The following C2CD3 variants were observed in gnomAD, a reference collection of about 807,000 sequenced individuals.
C2CD3 encodes C2 domain containing 3 centriole elongation regulator.
C2CD3 carries 148 observed loss-of-function variants against 234.0 expected under a neutral mutation model. The ratio of observed to expected loss-of-function variants is 0.63; its 90% CI spans 0.55 to 0.72. C2CD3 has a LOEUF of 0.72. C2CD3 is among the 30% of genes least tolerant of loss of function. The probability of loss-of-function intolerance (pLI) is 0.00; values close to 1 mark genes in which losing one functional copy is unlikely to be tolerated. For missense variants in C2CD3, 2,577 were observed against 2,811.5 expected (o/e 0.92, Z 1.89); for synonymous variants, 1,000 against 1,035.4 (o/e 0.97, Z 0.66).
At chr11:74,049,602 G>A in intron 26 of C2CD3, 60 bp from the exon 27 acceptor site, 1 of 1,342,156 alleles carries the variant, frequency 7.5e-7, no homozygotes, top group Non-Finnish European at 1.1e-6. Context: ...ACTGAGATTA[G>A]AGGGTGCACA....
chr11:74,025,112 T>C (rs1294493774), intron 32 of C2CD3, among the ~76,000 whole-genome samples: 1 of 152,126 alleles, frequency 6.6e-6, no homozygotes, highest in Non-Finnish European at 1.5e-5. Flanking sequence ...ATACTTTGTA[T>C]CTAGTATTTA....
Position 74,034,111 on chromosome 11 carries a change from C to G in C2CD3, c.6049G>C (p.Asp2017His). The G allele has an allele frequency of 6.5e-7, 1 of 1,536,176 alleles. No homozygotes were observed. The highest frequency in any genetic ancestry group is 2.4e-5 in the East Asian group (1 of 40,918). Residue 2017 changes from aspartate to histidine, a missense_variant, in exon 31 of 33, where the codon GAT (aspartate) becomes CAT (histidine). Physicochemically the swap from Asp to His is moderately conservative, Grantham distance 81 (BLOSUM62 -1). Transcript: ENST00000334126. ...PLVRAPDKGTDSPSPPPLEET... is the reference protein window; with the variant it reads ...PLVRAPDKGTHSPSPPPLEET... ...TCGAGAGGAGGGGGTGATGGGGAAT[C>G]TGTGCCTTTATCTGGAGCTCTTACC...
chr11:74,127,219 C>G (rs540385690), intron 7 of C2CD3, among the ~76,000 whole-genome samples: 2 of 152,358 alleles, frequency 1.3e-5, no homozygotes, highest in South Asian at 2.1e-4. Flanking sequence ...GTTGCCCAGG[C>G]TGGTCTTGAA....
intron 1 of C2CD3, 115 bp downstream of exon 1, chr11:74,170,623 A>T: frequency 3.0e-6 from 3 of 1,005,024 alleles, no homozygotes; most frequent in Non-Finnish European, 4.6e-6. Context: ...TTCCCTGGCT[A>T]CTTCCTTCTT....
intron 9 of C2CD3, 69 bp from the exon 10 acceptor site, chr11:74,114,662 C>T (rs2135511155): frequency 9.7e-7 from 1 of 1,029,380 alleles, no homozygotes. Flanking sequence ...CTAGTTTGCA[C>T]AGGCAAGATG....
chr11:74,028,238 G>A (rs1311741272), intron 32 of C2CD3, 49 bp downstream of exon 32: 8 of 1,315,228 alleles, frequency 6.1e-6, no homozygotes, highest in South Asian at 3.9e-5. Context: ...CACTTCTGTG[G>A]AAGAGATGAT....
intron 24 of C2CD3, among the ~76,000 whole-genome samples, chr11:74,064,260 T>C (rs990149424): frequency 1.3e-5 from 2 of 152,090 alleles, no homozygotes; most frequent in African/African-American, 4.8e-5. Context: ...TGTGCAAAAA[T>C]CACAAGCATT....
Position 74,085,670 on chromosome 11 carries a change from C to G in C2CD3, c.3858G>C (p.Leu1286Phe). The stretch of plus-strand genomic sequence containing the variant: ...CAAAAATAACTTCTGCAAACTCCAA[C>G]AACTCTGCTAGGAAACAGGCCTCTC... ...CSGEACFLAE[L>F]LEFAEVIFAV... The change falls in exon 21 of 33, where the codon TTG becomes TTC. Residue 1286 changes from leucine (L) to phenylalanine (F), a missense_variant. Coordinates refer to ENST00000334126, the MANE Select transcript of C2CD3 (RefSeq NM_001286577.2). 6.2e-7 allele frequency: 1 copy of G among 1,614,162 alleles called. No individual in the cohort carries two copies. Among genetic ancestry groups the G allele is most frequent in the Non-Finnish European group, 8.5e-7 (1 of 1,180,028 alleles).
At chr11:74,034,355 T>A in intron 30 of C2CD3, 77 bp from the exon 31 acceptor site, 11 of 1,478,828 alleles carry the variant, frequency 7.4e-6, no homozygotes, top group Non-Finnish European at 9.9e-6. Flanking sequence ...AGCCTTTAGC[T>A]TCAGAAGCAC....
chr11:74,147,093 A>T (rs1273721105), intron 3 of C2CD3, among the ~76,000 whole-genome samples: 1 of 151,726 alleles, frequency 6.6e-6, no homozygotes, highest in Admixed American at 6.6e-5. Context: ...GAAATAAAAA[A>T]AATTCCCTTG....
At chr11:74,162,115 C>A (rs1442390577) in intron 2 of C2CD3, among the ~76,000 whole-genome samples, 1 of 152,096 alleles carries the variant, frequency 6.6e-6, no homozygotes, top group Non-Finnish European at 1.5e-5. Context: ...CAAGGCTAGC[C>A]TACTCCTTAA....
chr11:74,123,713 T>G (rs1296067952), intron 7 of C2CD3, among the ~76,000 whole-genome samples: 1 of 151,764 alleles, frequency 6.6e-6, no homozygotes, highest in Non-Finnish European at 1.5e-5. Flanking sequence ...TACTCCTTTT[T>G]TTTTTGAAAT....
intron 3 of C2CD3, among the ~76,000 whole-genome samples, chr11:74,144,779 A>C (rs1855058799): frequency 6.6e-6 from 1 of 152,106 alleles, no homozygotes. Flanking sequence ...AAAGGACATG[A>C]TCTCATTCTT....
At chr11:74,113,560 A>T (rs1956817209) in intron 11 of C2CD3, 1 of 511,012 alleles carries the variant, frequency 2.0e-6, no homozygotes, top group Non-Finnish European at 3.5e-6. Context: ...TACGCCTGTA[A>T]TCCCAGCTAC....
chr11:74,148,256 C>G (rs894363263), intron 3 of C2CD3, among the ~76,000 whole-genome samples: 3 of 151,992 alleles, frequency 2.0e-5, no homozygotes, highest in African/African-American at 7.2e-5. Flanking sequence ...TTGGTACTAA[C>G]TTAGCATAGA....
At chr11:74,014,925 C>G (rs1006495273) in intron 32 of C2CD3, among the ~76,000 whole-genome samples, 24 of 152,222 alleles carry the variant, frequency 1.6e-4, no homozygotes, top group African/African-American at 5.8e-4. Context: ...TTCCTTATAA[C>G]CAAGAGCAAA....
At chr11:74,098,292 G>T (rs144003977) in intron 15 of C2CD3, 37 bp from the exon 16 acceptor site, 5 of 1,599,350 alleles carry the variant, frequency 3.1e-6, no homozygotes, top group Admixed American at 1.7e-5. Flanking sequence ...CAAATAACAA[G>T]CATCAATCAT....
Position 74,170,761 on chromosome 11 carries a change from C to T in C2CD3, c.32G>A (p.Gly11Asp), listed in dbSNP as rs762835168. 3.7e-6 allele frequency: 6 copies of T among 1,614,176 alleles called. No individual in the cohort carries two copies. The East Asian group carries it at 6.7e-5, about 18-fold the overall frequency. The change falls in exon 1 of 33, where the codon GGC becomes GAC. Residue 11 changes from glycine (G) to aspartate (D), a missense_variant. Physicochemically the swap from Gly to Asp is moderately conservative, Grantham distance 94. Coordinates refer to ENST00000334126, the MANE Select transcript of C2CD3 (RefSeq NM_001286577.2). MKQRKGQGSGGSRGRKKRGLS... is the reference protein window; with the variant it reads MKQRKGQGSGDSRGRKKRGLS... Reference sequence around the variant, plus strand: ...ACCTCTTTTTTTGCGCCCACGGCTGCCCCCAGACCCTTGGCCTTTTCGTTG... The same window carrying T: ...ACCTCTTTTTTTGCGCCCACGGCTGTCCCCAGACCCTTGGCCTTTTCGTTG...
At chr11:74,026,751 T>C (rs571538759) in intron 32 of C2CD3, among the ~76,000 whole-genome samples, 1 of 151,914 alleles carries the variant, frequency 6.6e-6, no homozygotes, top group East Asian at 1.9e-4. Flanking sequence ...AGGCAGATCA[T>C]GAGGTCAAGA....
Sources: allele counts gnomAD v4.1 joint callset (sites outside exome capture counted in the v4.1 genomes callset), GRCh38; gene constraint gnomAD v4.1.1; transcripts MANE v1.5; gene names NCBI Gene and HGNC (gene_info 2026-07-23, HGNC 2026-07-21).